HDAC9: variants seen among roughly 807,000 people sequenced by gnomAD.
HDAC9 encodes MEF-2 interacting transcription repressor (MITR) protein.
In HDAC9, 41 loss-of-function variants were observed where a neutral mutation model predicts 139.4. The observed-to-expected ratio is 0.29, with a 90% confidence interval of 0.23 to 0.38. HDAC9 has a LOEUF of 0.38. HDAC9 is among the 10% of genes least tolerant of loss of function. The probability of loss-of-function intolerance (pLI) is 1.00; values close to 1 mark genes in which losing one functional copy is unlikely to be tolerated. For missense variants in HDAC9, 1,147 were observed against 1,297.0 expected, an observed-to-expected ratio of 0.88 and a Z score of 1.78; for synonymous variants, 517 against 476.2, an observed-to-expected ratio of 1.09 and a Z score of -1.12.
intron 11 of HDAC9, among the ~76,000 whole-genome samples, chr7:18,657,445 A>G (rs1791596860): frequency 6.6e-6 from 1 of 152,134 alleles, no homozygotes; most frequent in Non-Finnish European, 1.5e-5. Context: ...GCCTTTCCAC[A>G]CTGTGCCTCT....
chr7:18,641,829 C>G (rs1476139774), intron 8 of HDAC9, among the ~76,000 whole-genome samples: 1 of 152,056 alleles, frequency 6.6e-6, no homozygotes, highest in Non-Finnish European at 1.5e-5. Context: ...TGGTACCCCT[C>G]CCAATCTGTT....
intron 9 of HDAC9, among the ~76,000 whole-genome samples, chr7:18,646,713 G>A (rs1457879277): frequency 6.6e-6 from 1 of 152,078 alleles, no homozygotes; most frequent in Non-Finnish European, 1.5e-5. Flanking sequence ...AAAGAAACAT[G>A]CCACATAATT....
chr7:18,088,558 T>G (rs1319937955), intron 1 of HDAC9, among the ~76,000 whole-genome samples: 1 of 152,250 alleles, frequency 6.6e-6, no homozygotes, highest in Non-Finnish European at 1.5e-5. Context: ...CCAGAAATCT[T>G]TCTAATCCTG....
At chr7:18,921,819 G>T (rs1341480190) in intron 22 of HDAC9, among the ~76,000 whole-genome samples, 1 of 152,010 alleles carries the variant, frequency 6.6e-6, no homozygotes, top group Non-Finnish European at 1.5e-5. Context: ...CAAAGACTTG[G>T]AACCAACCCA....
intron 1 of HDAC9, among the ~76,000 whole-genome samples, chr7:18,347,158 CAATCCTAGTTACCAGCACTGCAAAGT>C (rs1253756163): frequency 7.9e-5 from 12 of 152,152 alleles, no homozygotes; most frequent in Admixed American, 5.2e-4. Context: ...TAACATTTTC[CAATCCTAGTTACCAGCACTGCAAAGT>C]ACACACCACT....
At chr7:18,147,823 TTATA>T (rs1373728258) in intron 1 of HDAC9, among the ~76,000 whole-genome samples, 3 of 152,174 alleles carry the variant, frequency 2.0e-5, no homozygotes, top group Admixed American at 6.5e-5. Flanking sequence ...TTCTTGAACT[TTATA>T]TATGTGGTAT....
chr7:18,400,708 A>G (rs1255884952), intron 1 of HDAC9, among the ~76,000 whole-genome samples: 1 of 152,166 alleles, frequency 6.6e-6, no homozygotes, highest in Non-Finnish European at 1.5e-5. Flanking sequence ...ATGAAGATGA[A>G]TTAGGACTCT....
intron 1 of HDAC9, among the ~76,000 whole-genome samples, chr7:18,479,044 G>A (rs1407754145): frequency 1.3e-5 from 2 of 151,812 alleles, no homozygotes; most frequent in African/African-American, 2.4e-5. Flanking sequence ...TAAATTCACT[G>A]TAAACGTTTT....
chr7:18,380,425 C>T (rs1785329406), intron 1 of HDAC9, among the ~76,000 whole-genome samples: 1 of 152,136 alleles, frequency 6.6e-6, no homozygotes, highest in South Asian at 2.1e-4. Context: ...TCGTATATTG[C>T]AGTTTGGTTA....
chr7:18,274,302 T>C (rs929941543), intron 2 of HDAC9, among the ~76,000 whole-genome samples: 1 of 152,138 alleles, frequency 6.6e-6, no homozygotes, highest in African/African-American at 2.4e-5. Context: ...TCTGGTGAGG[T>C]CCTCATGCTG....
intron 1 of HDAC9, among the ~76,000 whole-genome samples, chr7:18,402,268 C>T (rs1463031533): frequency 6.6e-6 from 1 of 152,058 alleles, no homozygotes; most frequent in African/African-American, 2.4e-5. Flanking sequence ...ATACAGTAAG[C>T]TCAAATTGTT....
chr7:18,136,928 A>G (rs1456236480), intron 1 of HDAC9, among the ~76,000 whole-genome samples: 25 of 151,268 alleles, frequency 1.7e-4, no homozygotes, highest in Non-Finnish European at 3.5e-4. Context: ...GATTCTTCCT[A>G]TCCATGAGCA....
chr7:18,138,562 G>GCTCA (rs1269718056), intron 1 of HDAC9, among the ~76,000 whole-genome samples: 2 of 145,240 alleles, frequency 1.4e-5, no homozygotes, highest in African/African-American at 5.4e-5. Flanking sequence ...GTGTGTGTGT[G>GCTCA]TGCACATGCT....
At chr7:18,530,516 T>A (rs181585682) in intron 2 of HDAC9, among the ~76,000 whole-genome samples, 10 of 152,266 alleles carry the variant, frequency 6.6e-5, no homozygotes, top group Non-Finnish European at 1.0e-4. Flanking sequence ...TTCCATTTAA[T>A]GAGCTGGCAG....
intron 22 of HDAC9, among the ~76,000 whole-genome samples, chr7:18,920,794 A>T (rs186793685): frequency 6.6e-6 from 1 of 152,120 alleles, no homozygotes; most frequent in Non-Finnish European, 1.5e-5. Context: ...GCTGGATTAC[A>T]TTTATTGATT....
intron 6 of HDAC9, among the ~76,000 whole-genome samples, chr7:18,601,809 G>A (rs1455251645): frequency 1.3e-5 from 2 of 152,158 alleles, no homozygotes; most frequent in African/African-American, 4.8e-5. Flanking sequence ...TCATATACCA[G>A]GAAATCCTAC....
At chr7:18,693,750 T>G (rs2129099289) in intron 12 of HDAC9, among the ~76,000 whole-genome samples, 1 of 152,260 alleles carries the variant, frequency 6.6e-6, no homozygotes, top group South Asian at 2.1e-4. Context: ...TAGGATAAAA[T>G]AGTATGTGTG....
chr7:18,970,973 A>G (rs1464961384), intron 24 of HDAC9, among the ~76,000 whole-genome samples: 2 of 152,200 alleles, frequency 1.3e-5, no homozygotes, highest in Non-Finnish European at 2.9e-5. Flanking sequence ...TTCATGAGTC[A>G]ACAACTGCCT....
chr7:18,821,123 G>A (rs969290686), intron 17 of HDAC9, among the ~76,000 whole-genome samples: 11 of 152,206 alleles, frequency 7.2e-5, no homozygotes, highest in Non-Finnish European at 2.9e-5. Context: ...GGTAGAAGGC[G>A]AAAGGGCAAG....
Sources: gnomAD v4.1 joint callset for allele counts (sites outside exome capture counted in the v4.1 genomes callset) on GRCh38, gnomAD v4.1.1 for gene constraint, MANE v1.5 for transcripts, NCBI Gene and HGNC (gene_info 2026-07-23, HGNC 2026-07-21) for gene names.